DCC: variants seen among roughly 807,000 people sequenced by gnomAD.
The protein encoded by DCC is netrin receptor DCC.
Under a neutral mutation model 172.5 loss-of-function variants are expected in DCC, and 58 were observed. The ratio of observed to expected loss-of-function variants is 0.34; its 90% CI spans 0.27 to 0.42. The LOEUF (loss-of-function observed/expected upper bound fraction) is 0.42, where lower values mean the gene tolerates loss of function less well. Among genes scored for constraint, DCC ranks in the 10% least tolerant of loss-of-function variants. The probability of loss-of-function intolerance (pLI) is 1.00; values close to 1 mark genes in which losing one functional copy is unlikely to be tolerated. For synonymous variants in DCC, 709 were observed against 644.5 expected (o/e 1.10, Z -1.52); for missense variants, 1,740 against 1,791.0 (o/e 0.97, Z 0.51).
At chr18:52,907,257 G>T (rs1169980275) in intron 3 of DCC, among the ~76,000 whole-genome samples, 2 of 144,256 alleles carry the variant, frequency 1.4e-5, no homozygotes, top group Admixed American at 7.1e-5. Context: ...TACATGATAT[G>T]TCATGGATAT....
At chr18:53,297,909 C>T (rs1301462543) in intron 12 of DCC, among the ~76,000 whole-genome samples, 2 of 152,118 alleles carry the variant, frequency 1.3e-5, no homozygotes, top group African/African-American at 2.4e-5. Context: ...TAGCTGCTAC[C>T]TACAGATGAG....
intron 28 of DCC, 155 bp from the exon 29 acceptor site, chr18:53,530,409 T>C (rs1568190827): frequency 2.8e-6 from 2 of 714,388 alleles, no homozygotes; most frequent in Non-Finnish European, 5.1e-6. Flanking sequence ...TACCAGCATC[T>C]TCATTCAGTG....
At chr18:52,903,550 G>C (rs8091553) in intron 2 of DCC, among the ~76,000 whole-genome samples, 18,096 of 152,124 alleles carry the variant, frequency 0.12, 1,485 homozygotes, top group East Asian at 0.34. Flanking sequence ...GACTTCTAAA[G>C]AGCCATAAAT....
At chr18:52,606,255 A>G (rs1598950829) in intron 1 of DCC, among the ~76,000 whole-genome samples, 1 of 152,190 alleles carries the variant, frequency 6.6e-6, no homozygotes, top group African/African-American at 2.4e-5. Context: ...ACCATTTACT[A>G]TCTATGTATT....
chr18:53,192,914 C>T (rs1021296052), intron 9 of DCC, among the ~76,000 whole-genome samples: 6 of 152,164 alleles, frequency 3.9e-5, no homozygotes, highest in Non-Finnish European at 8.8e-5. Context: ...CTATGCAAAT[C>T]TGTATTGCAG....
chr18:52,551,866 A>G, intron 1 of DCC, among the ~76,000 whole-genome samples: 1 of 152,204 alleles, frequency 6.6e-6, no homozygotes, highest in East Asian at 1.9e-4. Flanking sequence ...TATCCCCATG[A>G]GCAGCATTGT....
At chr18:52,481,192 G>A (rs2029944793) in intron 1 of DCC, among the ~76,000 whole-genome samples, 1 of 152,042 alleles carries the variant, frequency 6.6e-6, no homozygotes, top group African/African-American at 2.4e-5. Flanking sequence ...AACTTTCTCA[G>A]GCTTAGGTAT....
chr18:53,421,229 C>T (rs371749992), intron 21 of DCC, among the ~76,000 whole-genome samples: 1 of 152,248 alleles, frequency 6.6e-6, no homozygotes, highest in South Asian at 2.1e-4. Flanking sequence ...GTATGAAAAT[C>T]GATATTCTTA....
chr18:53,281,739 T>C (rs1315639198), intron 12 of DCC, among the ~76,000 whole-genome samples: 1 of 151,724 alleles, frequency 6.6e-6, no homozygotes, highest in African/African-American at 2.4e-5. Flanking sequence ...CCCACAGAAA[T>C]TGGCAGATGC....
chr18:52,508,797 TA>T (rs2031326771), intron 1 of DCC, among the ~76,000 whole-genome samples: 1 of 152,194 alleles, frequency 6.6e-6, no homozygotes, highest in African/African-American at 2.4e-5. Flanking sequence ...AAAAGAGATG[TA>T]ACAAGGCAGT....
intron 12 of DCC, among the ~76,000 whole-genome samples, chr18:53,288,918 G>T (rs1175194835): frequency 6.6e-6 from 1 of 152,146 alleles, no homozygotes; most frequent in African/African-American, 2.4e-5. Flanking sequence ...ATTTTTAATT[G>T]GTTTATGTGC....
intron 1 of DCC, among the ~76,000 whole-genome samples, chr18:52,630,290 G>C (rs1290872753): frequency 6.6e-6 from 1 of 152,198 alleles, no homozygotes; most frequent in Non-Finnish European, 1.5e-5. Flanking sequence ...TACACAGTGA[G>C]ACAGAGAAGG....
intron 2 of DCC, among the ~76,000 whole-genome samples, chr18:52,784,415 A>G (rs140283010): frequency 3.0e-4 from 46 of 152,122 alleles, no homozygotes; most frequent in African/African-American, 9.6e-4. Context: ...TTCCCTCTCC[A>G]TTGGATAAAT....
At chr18:53,172,426 A>G (rs574867420) in intron 8 of DCC, among the ~76,000 whole-genome samples, 2 of 152,208 alleles carry the variant, frequency 1.3e-5, no homozygotes, top group South Asian at 4.1e-4. Flanking sequence ...CACACAATAT[A>G]CCCGTGTAAC....
chr18:53,352,171 T>G (rs868085907), intron 15 of DCC, among the ~76,000 whole-genome samples: 3 of 152,016 alleles, frequency 2.0e-5, no homozygotes, highest in Non-Finnish European at 4.4e-5. Context: ...ACCAACAAAA[T>G]AATATAATCC....
At chr18:53,525,193 C>A (rs1355442694) in intron 27 of DCC, among the ~76,000 whole-genome samples, 3 of 152,078 alleles carry the variant, frequency 2.0e-5, no homozygotes, top group African/African-American at 7.2e-5. Context: ...CAAGAAATTG[C>A]ACAGATCTAA....
chr18:53,508,121 C>T (rs1421957160), intron 27 of DCC, among the ~76,000 whole-genome samples: 1 of 152,050 alleles, frequency 6.6e-6, no homozygotes, highest in East Asian at 1.9e-4. Flanking sequence ...TCTCGATCTC[C>T]TGACCTTGTG....
intron 1 of DCC, among the ~76,000 whole-genome samples, chr18:52,387,407 G>A (rs1330815501): frequency 1.3e-5 from 2 of 152,092 alleles, no homozygotes; most frequent in African/African-American, 2.4e-5. Context: ...GCTCTTCAGG[G>A]CACAAGAATG....
intron 1 of DCC, among the ~76,000 whole-genome samples, chr18:52,448,543 A>G (rs946361911): frequency 7.2e-5 from 11 of 152,162 alleles, no homozygotes; most frequent in African/African-American, 2.4e-5. Flanking sequence ...AAGGCTTTTG[A>G]GACGAGAAGT....
Sources: allele counts gnomAD v4.1 joint callset (sites outside exome capture counted in the v4.1 genomes callset), GRCh38; gene constraint gnomAD v4.1.1; transcripts MANE v1.5; gene names NCBI Gene and HGNC (gene_info 2026-07-23, HGNC 2026-07-21).